LRRC17: variants seen among roughly 807,000 people sequenced by gnomAD.
LRRC17 encodes the protein leucine rich repeat containing 17.
In LRRC17, 33 loss-of-function variants were observed where a neutral mutation model predicts 41.5. The observed-to-expected ratio is 0.80, with a 90% CI of 0.60 to 1.06. The LOEUF (loss-of-function observed/expected upper bound fraction) is 1.06, where lower values mean the gene tolerates loss of function less well. LRRC17 is among the 50% of genes least tolerant of loss of function. The pLI, the probability that LRRC17 is intolerant of heterozygous loss-of-function variation, is 0.00. For missense variants in LRRC17, 491 were observed against 519.3 expected (o/e 0.95, Z 0.53); for synonymous variants, 192 against 197.0 (o/e 0.97, Z 0.21).
intron 3 of LRRC17, among the ~76,000 whole-genome samples, chr7:102,941,546 A>G (rs1030966953): frequency 6.6e-6 from 1 of 152,102 alleles, no homozygotes; most frequent in African/African-American, 2.4e-5. Context: ...TCTCCATTGC[A>G]ATTCCCCTGT....
chr7:102,928,507 G>A (rs1818554729), intron 1 of LRRC17, among the ~76,000 whole-genome samples: 1 of 152,132 alleles, frequency 6.6e-6, no homozygotes, highest in South Asian at 2.1e-4. Flanking sequence ...GTAAAATGTA[G>A]CTGGATAAAA....
intron 1 of LRRC17, among the ~76,000 whole-genome samples, chr7:102,929,244 T>G (rs545327895): frequency 6.6e-6 from 1 of 152,310 alleles, no homozygotes; most frequent in East Asian, 1.9e-4. Flanking sequence ...GAAAAATTAC[T>G]AAAGGAGGAT....
At chr7:102,932,845 T>C (rs965111250) in intron 1 of LRRC17, among the ~76,000 whole-genome samples, 2 of 152,158 alleles carry the variant, frequency 1.3e-5, no homozygotes, top group Admixed American at 1.3e-4. Context: ...TCTGACTGCC[T>C]CAGCCTCCCA....
rs529986030 is a variant in LRRC17, at chr7:102,925,209, C to G, written c.-140-8565C>G. 4.8e-4 allele frequency among the ~76,000 whole-genome samples: 73 copies of G among 152,188 alleles called. 1 individual carries two copies. The South Asian group carries it at 0.015, about 31-fold the overall frequency. ...AGGAGTTTCAGACCAGCCTGGGCAA[C>G]ATGGTGAAACCCCATCTCTACAGAA... On this transcript the variant is annotated intron_variant, in intron 1 of 3. Transcript: ENST00000339431.
Position 102,944,456 on chromosome 7 carries a change from A to T in LRRC17, c.1175A>T (p.Tyr392Phe). The change falls in exon 4 of 4, where the codon TAT becomes TTT. Residue 392 changes from tyrosine (Y) to phenylalanine (F), a missense_variant. Tyr to Phe is a conservative substitution (Grantham distance 22). Coordinates refer to ENST00000339431, the MANE Select transcript of LRRC17 (RefSeq NM_001031692.3). ...EEYKGWSVGK[Y>F]IRSYYEECPK... is the part of the protein sequence containing the mutation. ...TACAAAGGATGGTCTGTGGGAAAAT[A>T]TATTAGAAGTTACTATGAAGAATGC... The T allele has an allele frequency of 6.2e-7, 1 of 1,614,128 alleles. No individual in the cohort carries two copies.
intron 1 of LRRC17, among the ~76,000 whole-genome samples, chr7:102,914,387 A>G (rs1474282112): frequency 2.0e-5 from 3 of 152,226 alleles, no homozygotes; most frequent in African/African-American, 7.2e-5. Context: ...GCACTTTTTA[A>G]GAGGTCAAGG....
chr7:102,939,656 T>C (rs774643078), intron 3 of LRRC17, 71 bp downstream of exon 3: 211 of 1,326,496 alleles, frequency 1.6e-4, no homozygotes, highest in Non-Finnish European at 2.0e-4. Context: ...GCAACACTTA[T>C]ATACAGTAAA....
At chr7:102,919,246 C>T (rs952540732) in intron 1 of LRRC17, among the ~76,000 whole-genome samples, 13 of 152,218 alleles carry the variant, frequency 8.5e-5, no homozygotes, top group African/African-American at 2.9e-4. Context: ...TTTACCAGAA[C>T]ACTGCTGTTC....
At chr7:102,932,053 A>AAAGTCAGCATTCCGTAAGG in intron 1 of LRRC17, 1 of 892,068 alleles carries the variant, frequency 1.1e-6, no homozygotes, top group African/African-American at 1.7e-5. Flanking sequence ...TTGGCAAGTA[A>AAAGTCAGCATTCCGTAAGG]CATGTTCTAA....
At chr7:102,940,508 C>G (rs964463339) in intron 3 of LRRC17, among the ~76,000 whole-genome samples, 23 of 152,144 alleles carry the variant, frequency 1.5e-4, no homozygotes, top group Admixed American at 1.1e-3. Context: ...CCATGCCTGG[C>G]CTAAATGTAG....
chr7:102,934,586 CAA>C lies in LRRC17; in HGVS notation c.674_675del (p.Gln225ArgfsTer11). The C allele has an allele frequency of 6.2e-7, 1 of 1,614,066 alleles. No homozygotes were observed. The highest frequency in any genetic ancestry group is 8.5e-7 in the Non-Finnish European group (1 of 1,179,958). The part of the protein sequence containing the change: ...EEKEQLDPKP[Q>X]VSGRPPVIKP... ...AAAGGAACAATTGGACCCGAAACCC[CAA>C]GTGTCAGGGAGACCCCCAGTCATCA... On this transcript the variant is annotated frameshift_variant, in exon 2 of 4. Transcript: ENST00000339431. LOFTEE classifies it high-confidence loss of function.
chr7:102,913,039 G>A lies in LRRC17; in HGVS notation c.-247G>A, dbSNP rs1394459125. 1.9e-6 allele frequency: 3 copies of A among 1,613,142 alleles called. No homozygotes were observed. Among genetic ancestry groups the A allele is most frequent in the Non-Finnish European group, 2.5e-6 (3 of 1,179,420 alleles). ...AGGGCTGAATGCAGCCCATTCTCTG[G>A]AGAACTTCCTCACACACCGCAGCAA... On this transcript the variant is annotated 5_prime_UTR_variant, in exon 1 of 4. An upstream open reading frame in the 5' UTR gains an earlier in-frame stop. Transcript: ENST00000339431.
At chr7:102,937,270 C>A (rs2129474410) in intron 2 of LRRC17, among the ~76,000 whole-genome samples, 1 of 151,198 alleles carries the variant, frequency 6.6e-6, no homozygotes, top group African/African-American at 2.4e-5. Flanking sequence ...GAGGCCGAGG[C>A]AGGTGGGACA....
chr7:102,944,052 C>G (rs1032027709), intron 3 of LRRC17, among the ~76,000 whole-genome samples, 158 bp from the exon 4 acceptor site: 4 of 152,094 alleles, frequency 2.6e-5, no homozygotes. Flanking sequence ...TAAAAGTTTT[C>G]TAAAGTAAAA....
intron 1 of LRRC17, among the ~76,000 whole-genome samples, chr7:102,915,677 AATAT>A (rs1226529907): frequency 6.6e-6 from 1 of 152,212 alleles, no homozygotes; most frequent in Non-Finnish European, 1.5e-5. Flanking sequence ...CATAAAATAA[AATAT>A]ATAAGATTAC....
At chr7:102,928,661 G>GACTTGACA in intron 1 of LRRC17, among the ~76,000 whole-genome samples, 1 of 152,324 alleles carries the variant, frequency 6.6e-6, no homozygotes, top group East Asian at 1.9e-4. Context: ...GAAGCTCCCT[G>GACTTGACA]AGGACAAGAA....
At chr7:102,932,056 T>C (rs1819285651) in intron 1 of LRRC17, 1 of 837,124 alleles carries the variant, frequency 1.2e-6, no homozygotes, top group Non-Finnish European at 1.8e-6. Context: ...GCAAGTAACA[T>C]GTTCTAAGTA....
At chr7:102,919,682 T>C (rs1005783200) in intron 1 of LRRC17, among the ~76,000 whole-genome samples, 4 of 152,176 alleles carry the variant, frequency 2.6e-5, no homozygotes, top group African/African-American at 7.2e-5. Flanking sequence ...TCTAAAACAT[T>C]AGGGTTTTAA....
At chr7:102,926,950 G>C (rs4255065) in intron 1 of LRRC17, among the ~76,000 whole-genome samples, 2 of 152,166 alleles carry the variant, frequency 1.3e-5, no homozygotes, top group Non-Finnish European at 2.9e-5. Flanking sequence ...AAATAAAATA[G>C]AGGCTACATA....
Sources: gnomAD v4.1 joint callset for allele counts (sites outside exome capture counted in the v4.1 genomes callset) on GRCh38, gnomAD v4.1.1 for gene constraint, MANE v1.5 for transcripts, NCBI Gene and HGNC (gene_info 2026-07-23, HGNC 2026-07-21) for gene names.